Variants in CTXN3 observed in about 807,000 individuals in gnomAD.
The protein encoded by CTXN3 is cortexin 3, also known as cortexin-3.
Under a neutral mutation model 5.0 loss-of-function variants are expected in CTXN3, and 4 were observed. The observed-to-expected ratio is 0.79, with a 90% CI of 0.39 to 1.82. The LOEUF (loss-of-function observed/expected upper bound fraction) is 1.82, where lower values mean the gene tolerates loss of function less well. CTXN3 is among the 40% of genes most tolerant of loss of function. CTXN3 has a pLI of 0.04. For missense variants in CTXN3, 89 were observed against 99.7 expected, an observed-to-expected ratio of 0.89 and a Z score of 0.46; for synonymous variants, 48 against 38.6, an observed-to-expected ratio of 1.24 and a Z score of -0.91.
At chr5:127,654,279 A>T (rs1749855983) in intron 2 of CTXN3, among the ~76,000 whole-genome samples, 1 of 152,206 alleles carries the variant, frequency 6.6e-6, no homozygotes, top group South Asian at 2.1e-4. Context: ...ATTTGCTCAT[A>T]ATTTGGTATA....
rs80286352 is a variant in CTXN3, at chr5:127,656,905, T to C, written c.-99-518T>C. Among the ~76,000 whole-genome samples, 368 of 152,328 alleles carry C rather than the reference T, an allele frequency of 2.4e-3. 3 individuals carry two copies. Among genetic ancestry groups the C allele is most frequent in the African/African-American group, 7.9e-3 (327 of 41,576 alleles). On this transcript the variant is annotated intron_variant, in intron 2 of 2. Coordinates refer to ENST00000379445, the MANE Select transcript of CTXN3 (RefSeq NM_001048252.3). ...ACCCAATGCTCCTGGAGAAGGTTTC[T>C]ATTTTAAGCACCTTTTCTAGCCTCA...
At chr5:127,657,176 T>A (rs916788234) in intron 2 of CTXN3, among the ~76,000 whole-genome samples, 4 of 152,214 alleles carry the variant, frequency 2.6e-5, no homozygotes, top group Non-Finnish European at 5.9e-5. Flanking sequence ...ACATTTCTCA[T>A]CTTCTATATT....
At chr5:127,650,218 G>A (rs977557148) in intron 1 of CTXN3, among the ~76,000 whole-genome samples, 1 of 152,134 alleles carries the variant, frequency 6.6e-6, no homozygotes. Flanking sequence ...CCAAGCAGAC[G>A]TGTCTGCAGG....
At chr5:127,651,217 C>T (rs1416054257) in intron 1 of CTXN3, among the ~76,000 whole-genome samples, 3 of 152,198 alleles carry the variant, frequency 2.0e-5, no homozygotes, top group Non-Finnish European at 4.4e-5. Flanking sequence ...GGAAACTGGA[C>T]AAGCCCAAGA....
intron 1 of CTXN3, among the ~76,000 whole-genome samples, chr5:127,650,822 T>C (rs1370520455): frequency 6.6e-6 from 1 of 152,174 alleles, no homozygotes; most frequent in Non-Finnish European, 1.5e-5. Flanking sequence ...TTGGGAGATT[T>C]ACACATCTAG....
At chr5:127,650,585 T>C (rs538366469) in intron 1 of CTXN3, among the ~76,000 whole-genome samples, 1 of 152,320 alleles carries the variant, frequency 6.6e-6, no homozygotes, top group East Asian at 1.9e-4. Flanking sequence ...CTGAAGTTCT[T>C]TGCTGGTAAG....
At chr5:127,651,250 C>T (rs533926177) in intron 1 of CTXN3, among the ~76,000 whole-genome samples, 2 of 152,280 alleles carry the variant, frequency 1.3e-5, no homozygotes, top group South Asian at 4.1e-4. Flanking sequence ...AATGGATGGG[C>T]TGTTTTGACA....
rs899874578 is a variant in CTXN3, at chr5:127,649,166, C to T, written c.-429C>T. The stretch of plus-strand genomic sequence containing the variant: ...GCAGTATTGGCCGTTAATGATGCCT[C>T]ACACAGAAAGACGATGCTCCTTTAA... On this transcript the variant is annotated 5_prime_UTR_variant, in exon 1 of 3. Transcript: ENST00000379445. 6.6e-6 allele frequency: 1 copy of T among 152,196 alleles called. No homozygotes were observed. Among genetic ancestry groups the T allele is most frequent in the Non-Finnish European group, 1.5e-5 (1 of 68,046 alleles). 9.4% of individuals were successfully genotyped at this position (152,196 alleles called of 1,614,324 possible). A position where few individuals can be genotyped will look rare whatever the true frequency, so the allele number is the denominator to read the frequency against.
At chr5:127,657,352 T>G in intron 2 of CTXN3, 71 bp from the exon 3 acceptor site, 1 of 657,208 alleles carries the variant, frequency 1.5e-6, no homozygotes, top group East Asian at 2.8e-5. Flanking sequence ...CTCTGAAAAA[T>G]ATGACTGTGA....
At position 127,657,826 on chromosome 5, in the gene CTXN3, T is replaced by C; in HGVS notation, c.*59T>C. 1 of 1,587,382 alleles carries C rather than the reference T, an allele frequency of 6.3e-7. No homozygotes were observed. Among genetic ancestry groups the C allele is most frequent in the Non-Finnish European group, 8.6e-7 (1 of 1,160,406 alleles). On this transcript the variant is annotated 3_prime_UTR_variant, in exon 3 of 3. Coordinates refer to ENST00000379445, the MANE Select transcript of CTXN3 (RefSeq NM_001048252.3). Reference sequence around the variant, plus strand: ...GAAGTGCTTTGTGTCTTGGTGAGGATTCCCTTTATTTAGTGTTCTCAACAA... The same window carrying C: ...GAAGTGCTTTGTGTCTTGGTGAGGACTCCCTTTATTTAGTGTTCTCAACAA...
chr5:127,650,119 A>G (rs886151687), intron 1 of CTXN3, among the ~76,000 whole-genome samples: 10 of 152,100 alleles, frequency 6.6e-5, no homozygotes, highest in Non-Finnish European at 1.0e-4. Context: ...TAAAGCTGAG[A>G]TTGGGGCTGA....
rs957964078 is a variant in CTXN3 at position 127,649,150 on chromosome 5, GC to G, written c.-443del. 5.9e-5 allele frequency: 9 copies of G among 152,166 alleles called. No homozygotes were observed. Among genetic ancestry groups the G allele is most frequent in the African/African-American group, 2.2e-4 (9 of 41,432 alleles). 9.4% of individuals were successfully genotyped at this position (152,166 alleles called of 1,614,324 possible). On this transcript the variant is annotated 5_prime_UTR_variant, in exon 1 of 3. The change abolishes the stop of an existing upstream ORF in the 5' untranslated region. Transcript: ENST00000379445. ...TCACCTCAAAGAAGCAGCAGTATTGGCCGTTAATGATGCCTCACACAGAAAG... is the reference window on the plus strand; with the variant it reads ...TCACCTCAAAGAAGCAGCAGTATTGGCGTTAATGATGCCTCACACAGAAAG...
Position 127,657,945 on chromosome 5 carries a change from A to C in CTXN3, c.*178A>C. On this transcript the variant is annotated 3_prime_UTR_variant, in exon 3 of 3. Transcript: ENST00000379445. The stretch of plus-strand genomic sequence containing the variant: ...AGACATTTGAGGATGTTGGAAATGG[A>C]CACTTATATAACTAATCCAACATAA... 1.4e-6 allele frequency: 1 copy of C among 697,248 alleles called. No individual in the cohort carries two copies. The highest frequency in any genetic ancestry group is 4.1e-4 in the Middle Eastern group (1 of 2,458). 43.2% of individuals were successfully genotyped at this position (697,248 alleles called of 1,614,324 possible).
chr5:127,658,075 A>C lies in CTXN3; in HGVS notation c.*308A>C, dbSNP rs1257461206. On this transcript the variant is annotated 3_prime_UTR_variant, in exon 3 of 3. Transcript: ENST00000379445. Reference sequence around the variant, plus strand: ...TGACATAGATTTGCCATCAAACAAAACACCACCTGATCTGACTAAAGAATA... The same window carrying C: ...TGACATAGATTTGCCATCAAACAAACCACCACCTGATCTGACTAAAGAATA... 1 of 332,306 alleles carries C rather than the reference A, an allele frequency of 3.0e-6. No homozygotes were observed. The highest frequency in any genetic ancestry group is 7.9e-5 in the East Asian group (1 of 12,640). 20.6% of individuals were successfully genotyped at this position (332,306 alleles called of 1,614,324 possible). A position where few individuals can be genotyped will look rare whatever the true frequency, so the allele number is the denominator to read the frequency against.
chr5:127,650,119 AT>A lies in CTXN3; in HGVS notation c.-207+733del, dbSNP rs1266606165. Among the ~76,000 whole-genome samples the A allele has an allele frequency of 2.0e-5, 3 of 152,100 alleles. No homozygotes were observed. In the East Asian group the frequency reaches 5.8e-4, roughly 29 times the overall value. On this transcript the variant is annotated intron_variant, in intron 1 of 2. Transcript: ENST00000379445. Reference sequence around the variant, plus strand: ...AAGATGGGGAAGAAGTAAAGCTGAGATTGGGGCTGAGGCTGAAGACAAAGGT... The same window carrying A: ...AAGATGGGGAAGAAGTAAAGCTGAGATGGGGCTGAGGCTGAAGACAAAGGT...
At chr5:127,649,705 C>A (rs998034665) in intron 1 of CTXN3, among the ~76,000 whole-genome samples, 1 of 148,092 alleles carries the variant, frequency 6.8e-6, no homozygotes, top group East Asian at 1.9e-4. Context: ...TGCCCATTAT[C>A]GTATTTTTTT....
At chr5:127,656,228 A>G (rs1749903969) in intron 2 of CTXN3, among the ~76,000 whole-genome samples, 1 of 152,190 alleles carries the variant, frequency 6.6e-6, no homozygotes, top group African/African-American at 2.4e-5. Context: ...TAATGTATAT[A>G]CTTTTATTTA....
Position 127,653,432 on chromosome 5 carries a change from C to T in CTXN3, c.-100+9C>T, listed in dbSNP as rs972630854. 15 of 152,172 alleles carry T rather than the reference C, an allele frequency of 9.9e-5. No homozygotes were observed. Among genetic ancestry groups the T allele is most frequent in the Non-Finnish European group, 2.1e-4 (14 of 68,038 alleles). The allele number at this position is 152,172 out of a possible 1,614,324, so 9.4% of individuals were successfully genotyped here. A position where few individuals can be genotyped will look rare whatever the true frequency, so the allele number is the denominator to read the frequency against. On this transcript the variant is annotated intron_variant, in intron 2 of 2. Coordinates refer to ENST00000379445, the MANE Select transcript of CTXN3 (RefSeq NM_001048252.3). ...AGGATTAAAATATGGCTGTGAGTAA[C>T]TGTGGTCCTTCTTTATACTTAAAAT...
chr5:127,657,329 G>A, intron 2 of CTXN3, 94 bp from the exon 3 acceptor site: 2 of 593,082 alleles, frequency 3.4e-6, no homozygotes, highest in Non-Finnish European at 2.9e-6. Flanking sequence ...CTGGTTTACA[G>A]ATTTCTTTTT....
Sources: allele counts gnomAD v4.1 joint callset (sites outside exome capture counted in the v4.1 genomes callset), GRCh38; gene constraint gnomAD v4.1.1; transcripts MANE v1.5; gene names NCBI Gene and HGNC (gene_info 2026-07-23, HGNC 2026-07-21).